B3GALT1: variants seen among roughly 807,000 people sequenced by gnomAD.
B3GALT1 encodes beta-1,3-galactosyltransferase 1, also known as UDP-Gal:betaGlcNAc beta 1,3-galactosyltransferase, polypeptide 1.
B3GALT1 carries 10 observed loss-of-function variants against 23.2 expected under a neutral mutation model. The observed-to-expected ratio is 0.43, with a 90% CI of 0.27 to 0.73. The LOEUF (loss-of-function observed/expected upper bound fraction) is 0.73, where lower values mean the gene tolerates loss of function less well. Ranked by LOEUF, B3GALT1 falls within the 30% of genes least tolerant of loss-of-function variation. The pLI is 0.21. For synonymous variants in B3GALT1, 156 were observed against 141.5 expected (o/e 1.10, Z -0.73); for missense variants, 299 against 405.4 (o/e 0.74, Z 2.25).
intron 1 of B3GALT1, among the ~76,000 whole-genome samples, chr2:167,301,101 T>TTA (rs1420967422): frequency 6.6e-6 from 1 of 152,152 alleles, no homozygotes; most frequent in Admixed American, 6.5e-5. Flanking sequence ...CTACTAAAAA[T>TTA]TATAAGTATC....
In B3GALT1 at chr2:167,545,425, T is replaced by G. The variant is rs1418751870; in HGVS notation, c.-410+55148T>G. Among the ~76,000 whole-genome samples, 3 of 152,260 alleles carry G rather than the reference T, an allele frequency of 2.0e-5. No individual in the cohort carries two copies. The East Asian group carries it at 5.8e-4, about 29-fold the overall frequency. ...AATTAGCTTATTTTCTATCCTCTTG[T>G]GGGTTGGTGGGCCTCACTGGTTAAA... On this transcript the variant is annotated intron_variant, in intron 2 of 4. Coordinates refer to ENST00000392690, the MANE Select transcript of B3GALT1 (RefSeq NM_020981.4).
At chr2:167,574,664 T>C (rs148256724) in intron 2 of B3GALT1, among the ~76,000 whole-genome samples, 304 of 151,874 alleles carry the variant, frequency 2.0e-3, no homozygotes, top group African/African-American at 6.6e-3. Flanking sequence ...TTTGATTTTA[T>C]GTTATTGTTT....
chr2:167,792,651 C>G (rs1267359406), intron 3 of B3GALT1, among the ~76,000 whole-genome samples: 2 of 152,058 alleles, frequency 1.3e-5, no homozygotes, highest in Admixed American at 6.5e-5. Flanking sequence ...ATAGTTTGGA[C>G]TTTGTTGACC....
chr2:167,530,760 C>A (rs1390598562), intron 2 of B3GALT1, among the ~76,000 whole-genome samples: 1 of 152,104 alleles, frequency 6.6e-6, no homozygotes, highest in Non-Finnish European at 1.5e-5. Flanking sequence ...TGATGGGAAA[C>A]CTTTTCCAAT....
intron 3 of B3GALT1, among the ~76,000 whole-genome samples, chr2:167,741,232 C>T (rs1344513129): frequency 6.6e-6 from 1 of 152,100 alleles, no homozygotes; most frequent in Non-Finnish European, 1.5e-5. Context: ...AGTCATTGAA[C>T]CAAGACTCTC....
chr2:167,604,689 A>G (rs896757060), intron 2 of B3GALT1, among the ~76,000 whole-genome samples: 1 of 152,192 alleles, frequency 6.6e-6, no homozygotes, highest in Admixed American at 6.5e-5. Flanking sequence ...GTTGGGAAGC[A>G]TCAGTGATCA....
chr2:167,565,512 G>C (rs143455614), intron 2 of B3GALT1, among the ~76,000 whole-genome samples: 16,389 of 152,026 alleles, frequency 0.11, 1,884 homozygotes, highest in African/African-American at 0.28. Flanking sequence ...CAAATGGGAT[G>C]TAATTAAACT....
chr2:167,462,330 A>G (rs1470646493), intron 1 of B3GALT1, among the ~76,000 whole-genome samples: 1 of 152,198 alleles, frequency 6.6e-6, no homozygotes, highest in Non-Finnish European at 1.5e-5. Context: ...TAAGCACGCA[A>G]TTGGACTGTG....
intron 2 of B3GALT1, among the ~76,000 whole-genome samples, chr2:167,520,869 A>G (rs1700177451): frequency 6.6e-6 from 1 of 152,184 alleles, no homozygotes; most frequent in African/African-American, 2.4e-5. Flanking sequence ...CTCAACGTTT[A>G]CTTTTTCAGT....
intron 3 of B3GALT1, among the ~76,000 whole-genome samples, chr2:167,718,202 A>T (rs915815458): frequency 1.3e-5 from 2 of 152,302 alleles, no homozygotes; most frequent in Admixed American, 6.5e-5. Flanking sequence ...CTCAGCAAGA[A>T]TTAAGATTCT....
chr2:167,742,177 G>A (rs977691352), intron 3 of B3GALT1, among the ~76,000 whole-genome samples: 6 of 152,088 alleles, frequency 3.9e-5, no homozygotes, highest in African/African-American at 9.7e-5. Context: ...TTTCACTCTC[G>A]GTTTTTGATG....
intron 1 of B3GALT1, among the ~76,000 whole-genome samples, chr2:167,483,115 G>GA (rs2105337400): frequency 1.3e-5 from 2 of 152,112 alleles, no homozygotes; most frequent in East Asian, 3.9e-4. Flanking sequence ...CCAACATGGA[G>GA]AAACCCCCTC....
chr2:167,809,936 T>C (rs1178869628), intron 3 of B3GALT1, among the ~76,000 whole-genome samples: 1 of 152,224 alleles, frequency 6.6e-6, no homozygotes, highest in African/African-American at 2.4e-5. Context: ...CTCCACCCAG[T>C]TCGAGCTTCC....
intron 2 of B3GALT1, among the ~76,000 whole-genome samples, chr2:167,561,352 AGG>A (rs1683984055): frequency 6.6e-6 from 1 of 152,244 alleles, no homozygotes; most frequent in Non-Finnish European, 1.5e-5. Flanking sequence ...AAGAGAAAGC[AGG>A]AAAGATCCAA....
At chr2:167,545,054 T>TTTTTC (rs1683608334) in intron 2 of B3GALT1, among the ~76,000 whole-genome samples, 1 of 120,016 alleles carries the variant, frequency 8.3e-6, no homozygotes, top group African/African-American at 3.4e-5. Context: ...TTTTTTTTTT[T>TTTTTC]GAGACAGTCT....
At chr2:167,629,799 C>T (rs1685408032) in intron 2 of B3GALT1, among the ~76,000 whole-genome samples, 1 of 151,726 alleles carries the variant, frequency 6.6e-6, no homozygotes, top group Non-Finnish European at 1.5e-5. Flanking sequence ...TGCTTTATAC[C>T]TTGGCAGATT....
At chr2:167,416,865 C>G (rs10930271) in intron 1 of B3GALT1, among the ~76,000 whole-genome samples, 144,184 of 152,260 alleles carry the variant, frequency 0.95, 68,527 homozygotes, top group Non-Finnish European at 0.99. Flanking sequence ...GATTAGCTTG[C>G]GGCCTGTTAC....
chr2:167,394,061 T>C (rs1698058204), intron 1 of B3GALT1, among the ~76,000 whole-genome samples: 1 of 152,224 alleles, frequency 6.6e-6, no homozygotes, highest in Non-Finnish European at 1.5e-5. Context: ...TAAGCCATTC[T>C]TCATATTTAA....
intron 3 of B3GALT1, among the ~76,000 whole-genome samples, chr2:167,659,549 A>G (rs554074817): frequency 6.6e-6 from 1 of 152,058 alleles, no homozygotes; most frequent in African/African-American, 2.4e-5. Flanking sequence ...AGGAGGCAAA[A>G]ATGTAATACC....
Sources: gnomAD v4.1 joint callset for allele counts (sites outside exome capture counted in the v4.1 genomes callset) on GRCh38, gnomAD v4.1.1 for gene constraint, MANE v1.5 for transcripts, NCBI Gene and HGNC (gene_info 2026-07-23, HGNC 2026-07-21) for gene names.